The following MARCHF6 variants were observed in gnomAD, a reference collection of about 807,000 sequenced individuals.
MARCHF6 encodes membrane associated ring-CH-type finger 6.
Under a neutral mutation model 133.7 loss-of-function variants are expected in MARCHF6, and 31 were observed. The ratio of observed to expected loss-of-function variants is 0.23; its 90% CI spans 0.17 to 0.31. The LOEUF is 0.31. MARCHF6 is among the 10% of genes least tolerant of loss of function. MARCHF6 has a pLI of 1.00. For synonymous variants in MARCHF6, 395 were observed against 402.5 expected (o/e 0.98, Z 0.22); for missense variants, 723 against 1,121.6 (o/e 0.64, Z 5.08).
chr5:10,423,910 C>T (rs1995214), intron 23 of MARCHF6, 86 bp downstream of exon 23: 136,545 of 915,442 alleles, frequency 0.15, 18,806 homozygotes, highest in East Asian at 0.67. Flanking sequence ...TCTTATCTTC[C>T]TACCTTGCTG....
At chr5:10,366,705 A>G (rs1736159307) in intron 1 of MARCHF6, among the ~76,000 whole-genome samples, 2 of 152,216 alleles carry the variant, frequency 1.3e-5, no homozygotes, top group Non-Finnish European at 2.9e-5. Context: ...GGGTAGAAAG[A>G]GCAGGGGGGA....
intron 1 of MARCHF6, among the ~76,000 whole-genome samples, chr5:10,376,770 A>G (rs1188181027): frequency 1.3e-5 from 2 of 152,100 alleles, no homozygotes; most frequent in African/African-American, 2.4e-5. Context: ...CACGCACCAC[A>G]CTGCTCTCGG....
Position 10,394,689 on chromosome 5 carries a change from A to G in MARCHF6, c.829-64A>G, listed in dbSNP as rs16884635. On this transcript the variant is annotated intron_variant, in intron 8 of 25. Coordinates refer to ENST00000274140, the MANE Select transcript of MARCHF6 (RefSeq NM_005885.4). The stretch of plus-strand genomic sequence containing the variant: ...TATTGAAAGGAAAATGAGGCTTTTC[A>G]TAAATTAGAATAGAAAGTTCTGTTG... The G allele has an allele frequency of 0.011, 15,028 of 1,314,338 alleles. 1,255 individuals carry two copies. The African/African-American group carries it at 0.19, about 16-fold the overall frequency. 81.4% of individuals were successfully genotyped at this position (1,314,338 alleles called of 1,614,324 possible). A position where few individuals can be genotyped will look rare whatever the true frequency, so the allele number is the denominator to read the frequency against.
In MARCHF6 at chr5:10,388,700, T is replaced by C. The variant is rs192456063; in HGVS notation, c.408-1632T>C. Among the ~76,000 whole-genome samples, 1,055 of 152,266 alleles carry C rather than the reference T, an allele frequency of 6.9e-3. 13 individuals are homozygous for C. Among genetic ancestry groups the C allele is most frequent in the Non-Finnish European group, 7.3e-3 (498 of 68,012 alleles). On this transcript the variant is annotated intron_variant, in intron 5 of 25. Transcript: ENST00000274140. ...TCTTCTAAAAGGCTAGTAGGGCTTC[T>C]TTACATGGTAGTCTCAGGGCAGCAT...
At chr5:10,356,342 TATTTA>T (rs1162079727) in intron 1 of MARCHF6, among the ~76,000 whole-genome samples, 3 of 126,016 alleles carry the variant, frequency 2.4e-5, no homozygotes, top group Non-Finnish European at 3.6e-5. Context: ...TTCTGTTTTT[TATTTA>T]TTTTATTTTA....
At chr5:10,429,281 A>AT (rs1472624471) in intron 24 of MARCHF6, among the ~76,000 whole-genome samples, 5 of 152,000 alleles carry the variant, frequency 3.3e-5, no homozygotes, top group Non-Finnish European at 7.4e-5. Flanking sequence ...AAGTTTGAGG[A>AT]TTTTTTTATT....
chr5:10,356,343 A>G (rs6886431), intron 1 of MARCHF6, among the ~76,000 whole-genome samples: 1 of 101,448 alleles, frequency 9.9e-6, no homozygotes, highest in Non-Finnish European at 2.0e-5. Context: ...TCTGTTTTTT[A>G]TTTATTTTAT....
chr5:10,382,723 A>T (rs375212135), intron 4 of MARCHF6, among the ~76,000 whole-genome samples: 1 of 152,178 alleles, frequency 6.6e-6, no homozygotes, highest in African/African-American at 2.4e-5. Context: ...GCTACTCAGG[A>T]GGCTGAGACA....
chr5:10,375,896 C>G (rs760491683), intron 1 of MARCHF6, among the ~76,000 whole-genome samples: 12 of 152,218 alleles, frequency 7.9e-5, no homozygotes, highest in Non-Finnish European at 1.5e-4. Flanking sequence ...TACACTCTAT[C>G]TAGCTGCTCT....
chr5:10,404,971 T>C (rs984958244), intron 15 of MARCHF6, among the ~76,000 whole-genome samples: 1 of 152,214 alleles, frequency 6.6e-6, no homozygotes, highest in Non-Finnish European at 1.5e-5. Context: ...TGGTGGTTTT[T>C]GTTGATATAA....
At chr5:10,397,895 G>T (rs1201793700) in intron 10 of MARCHF6, among the ~76,000 whole-genome samples, 2 of 152,162 alleles carry the variant, frequency 1.3e-5, no homozygotes, top group African/African-American at 4.8e-5. Context: ...GCACACAATG[G>T]TCCCTTCCAT....
chr5:10,433,600 T>C lies in MARCHF6; in HGVS notation c.2649T>C (p.Leu883=). The C allele has an allele frequency of 6.2e-7, 1 of 1,614,072 alleles. No homozygotes were observed. Among genetic ancestry groups the C allele is most frequent in the Admixed American group, 1.7e-5 (1 of 60,030 alleles). ...LYEHIKNDKY[L]VGQRLVNYER... ...CCTTGTTTTTGCAACCTAGGTACCTTGTGGGTCAACGACTCGTGAACTACG... is the reference window on the plus strand; with the variant it reads ...CCTTGTTTTTGCAACCTAGGTACCTCGTGGGTCAACGACTCGTGAACTACG... Residue 883 remains leucine (L), a synonymous_variant, in exon 26 of 26, where the codon CTT becomes CTC. Coordinates refer to ENST00000274140, the MANE Select transcript of MARCHF6 (RefSeq NM_005885.4).
intron 4 of MARCHF6, among the ~76,000 whole-genome samples, chr5:10,382,809 G>A (rs1215060866): frequency 6.6e-6 from 1 of 152,072 alleles, no homozygotes; most frequent in Non-Finnish European, 1.5e-5. Context: ...CCTGGGCAAC[G>A]GAGTGAGACT....
chr5:10,424,414 A>G (rs1739975816), intron 23 of MARCHF6, among the ~76,000 whole-genome samples: 1 of 152,082 alleles, frequency 6.6e-6, no homozygotes, highest in East Asian at 1.9e-4. Context: ...GTCTTTATAC[A>G]TTTATATTCT....
At chr5:10,404,870 T>C (rs1738784760) in intron 15 of MARCHF6, among the ~76,000 whole-genome samples, 1 of 152,246 alleles carries the variant, frequency 6.6e-6, no homozygotes, top group Admixed American at 6.5e-5. Flanking sequence ...TACAGAAATG[T>C]GTTTCTTAAA....
chr5:10,433,077 A>T (rs937495573), intron 25 of MARCHF6, among the ~76,000 whole-genome samples: 4 of 152,012 alleles, frequency 2.6e-5, no homozygotes, highest in African/African-American at 9.7e-5. Context: ...TTTAGTAGAG[A>T]TGGGGTTTCA....
chr5:10,416,515 AT>A (rs1739522747), intron 21 of MARCHF6, among the ~76,000 whole-genome samples: 2 of 152,340 alleles, frequency 1.3e-5, no homozygotes, highest in Admixed American at 1.3e-4. Flanking sequence ...TCCAGTTTTC[AT>A]TTGATAGTCT....
At chr5:10,407,356 TTTAAA>T (rs1326699519) in intron 17 of MARCHF6, among the ~76,000 whole-genome samples, 154 bp downstream of exon 17, 1 of 152,188 alleles carries the variant, frequency 6.6e-6, no homozygotes, top group Non-Finnish European at 1.5e-5. Context: ...TTTATTATTT[TTTAAA>T]TTAAATTTAA....
chr5:10,397,407 C>T, intron 10 of MARCHF6, 63 bp downstream of exon 10: 1 of 1,177,936 alleles, frequency 8.5e-7, no homozygotes. Flanking sequence ...TTTGTAGGAG[C>T]CTTGTTATAG....
Sources: allele counts gnomAD v4.1 joint callset (sites outside exome capture counted in the v4.1 genomes callset), GRCh38; gene constraint gnomAD v4.1.1; transcripts MANE v1.5; gene names NCBI Gene and HGNC (gene_info 2026-07-23, HGNC 2026-07-21).